The following RNF145 variants were observed in gnomAD, a reference collection of about 807,000 sequenced individuals.
RNF145 encodes ring finger protein 145.
RNF145 carries 12 observed loss-of-function variants against 57.3 expected under a neutral mutation model. The ratio of observed to expected loss-of-function variants is 0.21; its 90% CI spans 0.13 to 0.34. The LOEUF (loss-of-function observed/expected upper bound fraction) is 0.34, where lower values mean the gene tolerates loss of function less well. RNF145 is among the 10% of genes least tolerant of loss of function. The pLI is 1.00. For missense variants in RNF145, 429 were observed against 799.0 expected, an observed-to-expected ratio of 0.54 and a Z score of 5.58; for synonymous variants, 262 against 288.3, an observed-to-expected ratio of 0.91 and a Z score of 0.92.
chr5:159,177,494 A>C (rs947543127), intron 4 of RNF145, among the ~76,000 whole-genome samples: 2 of 152,062 alleles, frequency 1.3e-5, no homozygotes, highest in Non-Finnish European at 2.9e-5. Context: ...ATAATCCCAC[A>C]ACCCAAAGGT....
At chr5:159,188,816 T>G (rs1420222425) in intron 3 of RNF145, among the ~76,000 whole-genome samples, 1 of 152,200 alleles carries the variant, frequency 6.6e-6, no homozygotes, top group African/African-American at 2.4e-5. Flanking sequence ...ATAAGTTTCA[T>G]TATGTAAATA....
At chr5:159,184,209 G>T (rs980164430) in intron 3 of RNF145, among the ~76,000 whole-genome samples, 1 of 152,170 alleles carries the variant, frequency 6.6e-6, no homozygotes, top group African/African-American at 2.4e-5. Context: ...CATTATGCTA[G>T]AATTTGATTG....
At chr5:159,179,837 G>A (rs1381644130) in intron 4 of RNF145, among the ~76,000 whole-genome samples, 1 of 152,090 alleles carries the variant, frequency 6.6e-6, no homozygotes, top group Non-Finnish European at 1.5e-5. Flanking sequence ...TCCAAGGCAA[G>A]TCCCATAACT....
intron 3 of RNF145, among the ~76,000 whole-genome samples, chr5:159,191,080 A>C (rs924592499): frequency 1.5e-5 from 2 of 137,360 alleles, no homozygotes; most frequent in Admixed American, 7.3e-5. Flanking sequence ...GCTGATGAGC[A>C]AAAAAAAAAA....
At chr5:159,160,120 G>A (rs1163272236) in intron 10 of RNF145, among the ~76,000 whole-genome samples, 5 of 152,158 alleles carry the variant, frequency 3.3e-5, no homozygotes, top group African/African-American at 7.2e-5. Context: ...GGCTGAAGCT[G>A]AGGTGCTCCG....
upstream of RNF145, chr5:159,209,823 C>T: frequency 2.0e-6 from 3 of 1,533,812 alleles, no homozygotes; most frequent in Non-Finnish European, 1.7e-6. Context: ...CCAAACACCA[C>T]GGGCCGCAAG....
At position 159,157,922 on chromosome 5, in the gene RNF145, A is replaced by G. The variant is rs1395328941; in HGVS notation, c.*748T>C. On this transcript the variant is annotated 3_prime_UTR_variant, in exon 11 of 11. Transcript: ENST00000424310. ...AAAGTGTTCATCAGAGTTTTAGTTT[A>G]CTTCACACAGCCAGCGAAGTATACA... 6.5e-6 allele frequency: 1 copy of G among 152,774 alleles called. No individual in the cohort carries two copies. Among genetic ancestry groups the G allele is most frequent in the Non-Finnish European group, 1.5e-5 (1 of 68,034 alleles). The allele number at this position is 152,774 out of a possible 1,614,324, so 9.5% of individuals were successfully genotyped here.
chr5:159,174,811 C>CTTTAATTTA (rs1784663961), intron 5 of RNF145, among the ~76,000 whole-genome samples: 2 of 151,578 alleles, frequency 1.3e-5, no homozygotes, highest in Admixed American at 1.3e-4. Context: ...TAATAATCTG[C>CTTTAATTTA]AACTCACTAA....
intron 3 of RNF145, among the ~76,000 whole-genome samples, chr5:159,193,022 T>G (rs1225805619): frequency 6.6e-6 from 1 of 152,006 alleles, no homozygotes; most frequent in Non-Finnish European, 1.5e-5. Context: ...AACAGAGGTG[T>G]GGGGGCTGGT....
chr5:159,177,167 C>T (rs1447925425), intron 4 of RNF145, among the ~76,000 whole-genome samples: 1 of 152,052 alleles, frequency 6.6e-6, no homozygotes, highest in Admixed American at 6.6e-5. Flanking sequence ...ATGTCTAATT[C>T]AGTATTGTGA....
intron 10 of RNF145, among the ~76,000 whole-genome samples, chr5:159,159,881 G>A (rs1784157449): frequency 6.6e-6 from 1 of 152,194 alleles, no homozygotes; most frequent in African/African-American, 2.4e-5. Flanking sequence ...AAAACAAGCA[G>A]GTGTGGATAT....
intron 2 of RNF145, among the ~76,000 whole-genome samples, chr5:159,202,406 A>G (rs1785701085): frequency 6.6e-6 from 1 of 152,212 alleles, no homozygotes; most frequent in African/African-American, 2.4e-5. Flanking sequence ...CCCATTTCAG[A>G]GACATTCCCA....
rs532726434 is a variant in RNF145, at chr5:159,162,809, G to C, written c.1269+123C>G. 185 of 689,482 alleles carry C rather than the reference G, an allele frequency of 2.7e-4. No homozygotes were observed. The African/African-American group carries it at 3.0e-3, about 11-fold the overall frequency. 42.7% of individuals were successfully genotyped at this position (689,482 alleles called of 1,614,324 possible). A position where few individuals can be genotyped will look rare whatever the true frequency, so the allele number is the denominator to read the frequency against. ...AATGTAATGTGTTCTAGTAAAGAGA[G>C]AGAGAAGTTATCACCTGAATAGTCC... is the stretch of plus-strand genomic sequence containing the variant. On this transcript the variant is annotated intron_variant, in intron 9 of 10. Coordinates refer to ENST00000424310, the MANE Select transcript of RNF145 (RefSeq NM_001199383.2).
intron 2 of RNF145, among the ~76,000 whole-genome samples, chr5:159,199,916 A>G (rs891370532): frequency 3.9e-5 from 6 of 152,208 alleles, no homozygotes; most frequent in Admixed American, 1.3e-4. Flanking sequence ...ATTACATTCC[A>G]TTAAATACAA....
At chr5:159,198,472 A>C (rs1785538386) in intron 2 of RNF145, among the ~76,000 whole-genome samples, 1 of 152,150 alleles carries the variant, frequency 6.6e-6, no homozygotes, top group African/African-American at 2.4e-5. Context: ...TTGGGTATGG[A>C]GCTGCCAGTC....
chr5:159,174,975 T>C (rs983090658), intron 5 of RNF145, among the ~76,000 whole-genome samples: 2 of 152,212 alleles, frequency 1.3e-5, no homozygotes, highest in African/African-American at 4.8e-5. Flanking sequence ...GGAATTCTGC[T>C]GGACAGCTTA....
chr5:159,180,140 A>C (rs1368642431), intron 4 of RNF145, among the ~76,000 whole-genome samples: 1 of 152,062 alleles, frequency 6.6e-6, no homozygotes. Flanking sequence ...TTCCTACTTA[A>C]CTGGACTCTT....
intron 10 of RNF145, among the ~76,000 whole-genome samples, chr5:159,160,375 TTAAA>T (rs1214594265): frequency 6.6e-6 from 1 of 152,036 alleles, no homozygotes; most frequent in Non-Finnish European, 1.5e-5. Flanking sequence ...CAGAAAAAAA[TTAAA>T]TATGCACAAA....
chr5:159,167,582 CA>C (rs1275396117), intron 8 of RNF145, among the ~76,000 whole-genome samples: 1 of 152,112 alleles, frequency 6.6e-6, no homozygotes, highest in African/African-American at 2.4e-5. Flanking sequence ...ACAGAGATGA[CA>C]AAATACTAAT....
Sources: gnomAD v4.1 joint callset for allele counts (sites outside exome capture counted in the v4.1 genomes callset) on GRCh38, gnomAD v4.1.1 for gene constraint, MANE v1.5 for transcripts, NCBI Gene and HGNC (gene_info 2026-07-23, HGNC 2026-07-21) for gene names.